NEMP2: variants seen among roughly 807,000 people sequenced by gnomAD.
The protein encoded by NEMP2 is nuclear envelope integral membrane protein 2.
Under a neutral mutation model 54.2 loss-of-function variants are expected in NEMP2, and 53 were observed. The observed-to-expected ratio is 0.98, with a 90% CI of 0.78 to 1.23. The LOEUF (loss-of-function observed/expected upper bound fraction) is 1.23. Among genes scored for constraint, NEMP2 ranks in the 50% most tolerant of loss-of-function variants. The probability of loss-of-function intolerance (pLI) is 0.00; values close to 1 mark genes in which losing one functional copy is unlikely to be tolerated. For missense variants in NEMP2, 455 were observed against 511.3 expected (o/e 0.89, Z 1.06); for synonymous variants, 197 against 190.3 (o/e 1.04, Z -0.29).
At chr2:190,516,757 CATGAATT>C (rs1690572140) in intron 5 of NEMP2, among the ~76,000 whole-genome samples, 1 of 152,212 alleles carries the variant, frequency 6.6e-6, no homozygotes, top group Non-Finnish European at 1.5e-5. Context: ...ACACTACCAA[CATGAATT>C]ATTTATCCTC....
At chr2:190,467,376 GC>G in the NEMP2 span, among the ~76,000 whole-genome samples, 22,271 of 152,180 alleles carry the variant, frequency 0.15, 1,849 homozygotes, top group Middle Eastern at 0.22. This position sits in a 1 kb window ranked among gnomAD's most constrained non-coding sequence, Gnocchi z 5.5. Context: ...ATTTTGGGAG[GC>G]CGAGGTGGGC....
chr2:190,514,343 C>A lies in NEMP2; in HGVS notation c.953+110G>T. The A allele has an allele frequency of 9.3e-7, 1 of 1,072,842 alleles. No individual in the cohort carries two copies. The highest frequency in any genetic ancestry group is 1.5e-5 in the South Asian group (1 of 67,064). The allele number at this position is 1,072,842 out of a possible 1,614,324, so 66.5% of individuals were successfully genotyped here. A position where few individuals can be genotyped will look rare whatever the true frequency, so the allele number is the denominator to read the frequency against. Reference sequence around the variant, plus strand: ...CCCAATCTTGCTCAGAATGAAATCTCCAGATCAAATGTAATTATGAGATTA... The same window carrying A: ...CCCAATCTTGCTCAGAATGAAATCTACAGATCAAATGTAATTATGAGATTA... On this transcript the variant is annotated intron_variant, in intron 7 of 8. Coordinates refer to ENST00000409150, the MANE Select transcript of NEMP2 (RefSeq NM_001142645.2). This position sits in a 1 kb window ranked among gnomAD's most constrained non-coding sequence, Gnocchi z 5.7.
the NEMP2 span, among the ~76,000 whole-genome samples, chr2:190,636,586 T>C: frequency 3.2e-3 from 483 of 152,332 alleles, 8 homozygotes; most frequent in Admixed American, 0.021. Flanking sequence ...GGAACAACTA[T>C]GACTCACAGG....
chr2:190,460,237 A>G, the NEMP2 span, among the ~76,000 whole-genome samples: 1 of 152,188 alleles, frequency 6.6e-6, no homozygotes, highest in Admixed American at 6.5e-5. Flanking sequence ...CATAAATAAA[A>G]ATATTTATTT....
At chr2:190,572,833 G>GTATATATA in the NEMP2 span, among the ~76,000 whole-genome samples, 348 of 47,660 alleles carry the variant, frequency 7.3e-3, 3 homozygotes, top group Middle Eastern at 0.012. Flanking sequence ...CTTTTCATGA[G>GTATATATA]TATATATATA....
chr2:190,517,286 A>AG (rs771876056), intron 5 of NEMP2, among the ~76,000 whole-genome samples: 15 of 152,010 alleles, frequency 9.9e-5, no homozygotes, highest in Non-Finnish European at 1.6e-4. Context: ...TTACCGAGAA[A>AG]GCAAAGGGGT....
chr2:190,557,384 C>T, the NEMP2 span, among the ~76,000 whole-genome samples: 1 of 152,102 alleles, frequency 6.6e-6, no homozygotes, highest in Non-Finnish European at 1.5e-5. Flanking sequence ...AGAAGAAAAC[C>T]TAGCCAATAC....
At chr2:190,441,453 A>G in the NEMP2 span, among the ~76,000 whole-genome samples, 1 of 151,476 alleles carries the variant, frequency 6.6e-6, no homozygotes, top group Admixed American at 6.6e-5. Context: ...AGGCATAGGT[A>G]AGGGGAGGAT....
rs1402648648 is a variant in NEMP2 at position 190,513,023 on chromosome 2, A to G, written c.953+1430T>C. Reference sequence around the variant, plus strand: ...CACTCCCTCTTCTAGCCTTGGTCTCATGGTCCTACCCTAGGCCCTCATCAG... The same window carrying G: ...CACTCCCTCTTCTAGCCTTGGTCTCGTGGTCCTACCCTAGGCCCTCATCAG... On this transcript the variant is annotated intron_variant, in intron 7 of 8. Coordinates refer to ENST00000409150, the MANE Select transcript of NEMP2 (RefSeq NM_001142645.2). The surrounding 1 kb of genome is among the most constrained non-coding windows in gnomAD (Gnocchi z 5.3). Among the ~76,000 whole-genome samples the G allele has an allele frequency of 6.6e-6, 1 of 152,058 alleles. No individual in the cohort carries two copies.
chr2:190,464,260 A>T, the NEMP2 span, among the ~76,000 whole-genome samples: 1 of 152,144 alleles, frequency 6.6e-6, no homozygotes, highest in Non-Finnish European at 1.5e-5. Context: ...TTTCATTTGT[A>T]TCCAGTGTAT....
At chr2:190,574,145 C>T in the NEMP2 span, among the ~76,000 whole-genome samples, 1 of 152,078 alleles carries the variant, frequency 6.6e-6, no homozygotes, top group Non-Finnish European at 1.5e-5. Flanking sequence ...TCCTTTGCAA[C>T]ATTTGTTTAT....
Position 190,519,267 on chromosome 2 carries a change from A to T in NEMP2, c.214-84T>A. On this transcript the variant is annotated intron_variant, in intron 2 of 8. Coordinates refer to ENST00000409150, the MANE Select transcript of NEMP2 (RefSeq NM_001142645.2). The surrounding 1 kb of genome is among the most constrained non-coding windows in gnomAD (Gnocchi z 5.4). ...GACAGGGTCTCCCTCTGTTGCCCAG[A>T]ATGGAGTGCAGTGGCAGGATCTCTG... 2 of 965,392 alleles carry T rather than the reference A, an allele frequency of 2.1e-6. No individual in the cohort carries two copies. Among genetic ancestry groups the T allele is most frequent in the Non-Finnish European group, 3.1e-6 (2 of 649,794 alleles). 59.8% of individuals were successfully genotyped at this position (965,392 alleles called of 1,614,324 possible).
At chr2:190,467,575 T>G in the NEMP2 span, among the ~76,000 whole-genome samples, 2 of 152,184 alleles carry the variant, frequency 1.3e-5, no homozygotes, top group East Asian at 3.8e-4. The surrounding 1 kb of genome is among the most constrained non-coding windows in gnomAD (Gnocchi z 5.5). Flanking sequence ...ATCGTGCCAC[T>G]GCTCTCTAGC....
chr2:190,539,508 G>T (rs1302920714), upstream of NEMP2, among the ~76,000 whole-genome samples: 4 of 152,036 alleles, frequency 2.6e-5, no homozygotes, highest in East Asian at 5.8e-4. This position sits in a 1 kb window ranked among gnomAD's most constrained non-coding sequence, Gnocchi z 4.1. Flanking sequence ...TTTGATAGGG[G>T]TTGTATTGAA....
chr2:190,521,869 C>A lies in NEMP2; in HGVS notation c.214-2686G>T, dbSNP rs1362997245. On this transcript the variant is annotated intron_variant, in intron 2 of 8. Coordinates refer to ENST00000409150, the MANE Select transcript of NEMP2 (RefSeq NM_001142645.2). The surrounding 1 kb of genome is among the most constrained non-coding windows in gnomAD (Gnocchi z 6.2). ...CCTTTTATTTCTCCTCTGCTTGCTC[C>A]TTCCTTCTCCCTGAACTCTTAATAT... Among the ~76,000 whole-genome samples, 1 of 152,118 alleles carries A rather than the reference C, an allele frequency of 6.6e-6. No homozygotes were observed. Among genetic ancestry groups the A allele is most frequent in the Non-Finnish European group, 1.5e-5 (1 of 68,030 alleles).
chr2:190,460,851 C>G, the NEMP2 span, among the ~76,000 whole-genome samples: 1 of 152,092 alleles, frequency 6.6e-6, no homozygotes, highest in African/African-American at 2.4e-5. Context: ...GACAAGGTGA[C>G]AAGGAAAGAT....
At chr2:190,435,363 A>G in the NEMP2 span, 1 of 152,256 alleles carries the variant, frequency 6.6e-6, no homozygotes, top group Non-Finnish European at 1.5e-5. Flanking sequence ...CCATTTTCTT[A>G]AACTGCTATC....
At chr2:190,434,012 A>C in the NEMP2 span, among the ~76,000 whole-genome samples, 1 of 151,920 alleles carries the variant, frequency 6.6e-6, no homozygotes, top group Non-Finnish European at 1.5e-5. The surrounding 1 kb of genome is among the most constrained non-coding windows in gnomAD (Gnocchi z 4.3). Context: ...GCAACATGGC[A>C]AAAACCCCAT....
At chr2:190,601,561 A>G in the NEMP2 span, among the ~76,000 whole-genome samples, 2 of 152,228 alleles carry the variant, frequency 1.3e-5, no homozygotes, top group African/African-American at 4.8e-5. This position sits in a 1 kb window ranked among gnomAD's most constrained non-coding sequence, Gnocchi z 5.8. Context: ...ATGTAAGTTG[A>G]TAATAGACAT....
Sources: allele counts gnomAD v4.1 joint callset (sites outside exome capture counted in the v4.1 genomes callset), GRCh38; gene constraint gnomAD v4.1.1; non-coding constraint Gnocchi (gnomAD v3.1); transcripts MANE v1.5; gene names NCBI Gene and HGNC (gene_info 2026-07-23, HGNC 2026-07-21).